TFEC: variants seen among roughly 807,000 people sequenced by gnomAD.
TFEC encodes class E basic helix-loop-helix protein 34.
In TFEC, 31 loss-of-function variants were observed where a neutral mutation model predicts 41.6. The ratio of observed to expected loss-of-function variants is 0.74; its 90% CI spans 0.56 to 1.01. The LOEUF is 1.01. Ranked by LOEUF, TFEC falls within the 50% of genes least tolerant of loss-of-function variation. The pLI is 0.00. For missense variants in TFEC, 402 were observed against 404.1 expected, an observed-to-expected ratio of 0.99 and a Z score of 0.04; for synonymous variants, 143 against 140.6, an observed-to-expected ratio of 1.02 and a Z score of -0.12.
At chr7:116,090,181 C>A (rs1369771188) in intron 3 of TFEC, among the ~76,000 whole-genome samples, 1 of 152,180 alleles carries the variant, frequency 6.6e-6, no homozygotes, top group African/African-American at 2.4e-5. Flanking sequence ...ATTTTTGCAA[C>A]CAATTAGACG....
At chr7:116,136,525 T>C (rs572130966) in intron 1 of TFEC, among the ~76,000 whole-genome samples, 45 of 152,044 alleles carry the variant, frequency 3.0e-4, no homozygotes, top group African/African-American at 8.2e-4. Context: ...ACTGAACACA[T>C]TGGATTTCCC....
At chr7:116,081,982 C>A (rs73719107) in intron 3 of TFEC, among the ~76,000 whole-genome samples, 2,418 of 151,888 alleles carry the variant, frequency 0.016, 68 homozygotes, top group African/African-American at 0.055. Context: ...TTAGTGGATC[C>A]TTTCTTCTGC....
chr7:116,080,696 T>C (rs1309429551), intron 3 of TFEC, among the ~76,000 whole-genome samples: 1 of 152,072 alleles, frequency 6.6e-6, no homozygotes, highest in Non-Finnish European at 1.5e-5. Context: ...AAATAATAGA[T>C]GTTGGCATGG....
intron 1 of TFEC, among the ~76,000 whole-genome samples, chr7:116,136,530 T>C (rs1798436072): frequency 6.6e-6 from 1 of 151,946 alleles, no homozygotes; most frequent in Admixed American, 6.6e-5. Flanking sequence ...ACACATTGGA[T>C]TTCCCTTAAA....
chr7:116,140,989 A>C (rs1266946182), intron 1 of TFEC, among the ~76,000 whole-genome samples: 1 of 152,250 alleles, frequency 6.6e-6, no homozygotes, highest in African/African-American at 2.4e-5. Context: ...TTTTGTATAA[A>C]GTATCAAGCC....
chr7:116,153,769 T>G (rs928142750), intron 1 of TFEC, among the ~76,000 whole-genome samples: 1 of 151,972 alleles, frequency 6.6e-6, no homozygotes, highest in Non-Finnish European at 1.5e-5. Context: ...AATTGGACAC[T>G]GCATAAAAAA....
chr7:115,980,033 C>A (rs1306375135), intron 2 of TFEC, among the ~76,000 whole-genome samples: 1 of 152,182 alleles, frequency 6.6e-6, no homozygotes, highest in Non-Finnish European at 1.5e-5. Flanking sequence ...CTTGTTCCCA[C>A]AGCAGATCCA....
chr7:116,000,383 C>A (rs932219848), intron 1 of TFEC, among the ~76,000 whole-genome samples: 2 of 152,062 alleles, frequency 1.3e-5, no homozygotes, highest in Non-Finnish European at 2.9e-5. Context: ...AAATCCTTTC[C>A]TCTAAGATCT....
intron 3 of TFEC, among the ~76,000 whole-genome samples, chr7:116,057,820 G>A (rs960947940): frequency 1.3e-5 from 2 of 151,744 alleles, no homozygotes; most frequent in African/African-American, 4.8e-5. Flanking sequence ...AATATAACTT[G>A]AAAAATTGTG....
intron 3 of TFEC, chr7:115,968,243 TTCA>T: frequency 1.3e-6 from 2 of 1,530,572 alleles, no homozygotes; most frequent in East Asian, 2.5e-5. Context: ...CTCTTTCTCC[TTCA>T]TCATTTTCTT....
At chr7:116,067,380 C>G (rs1354682835) in intron 3 of TFEC, among the ~76,000 whole-genome samples, 2 of 151,906 alleles carry the variant, frequency 1.3e-5, no homozygotes, top group Non-Finnish European at 2.9e-5. Flanking sequence ...ATGGCACCTC[C>G]AGTGAGATGT....
At chr7:116,150,361 T>C (rs1209214607) in intron 1 of TFEC, among the ~76,000 whole-genome samples, 2 of 151,990 alleles carry the variant, frequency 1.3e-5, no homozygotes, top group Non-Finnish European at 2.9e-5. Flanking sequence ...ATTTTTACAA[T>C]AGAAAAAAAT....
intron 3 of TFEC, among the ~76,000 whole-genome samples, chr7:116,088,610 A>G (rs1006464480): frequency 2.6e-5 from 4 of 152,056 alleles, no homozygotes; most frequent in African/African-American, 9.7e-5. Flanking sequence ...CTTAGTCATT[A>G]TTTTTTATGA....
intron 2 of TFEC, among the ~76,000 whole-genome samples, chr7:115,980,488 C>T (rs1390115443): frequency 1.3e-5 from 2 of 152,078 alleles, no homozygotes; most frequent in Admixed American, 6.6e-5. Context: ...GGTGGCTCAT[C>T]CCTGCAATCC....
chr7:116,073,188 T>C (rs1004196242), intron 3 of TFEC, among the ~76,000 whole-genome samples: 4 of 151,532 alleles, frequency 2.6e-5, no homozygotes, highest in Non-Finnish European at 5.9e-5. Context: ...TTTCCATAAG[T>C]AAGGAATGGG....
At chr7:116,131,679 G>C (rs187040263) in intron 1 of TFEC, among the ~76,000 whole-genome samples, 6 of 151,870 alleles carry the variant, frequency 4.0e-5, no homozygotes, top group Admixed American at 3.9e-4. Flanking sequence ...GCTAACATGA[G>C]TGTACTTGAA....
chr7:116,146,237 C>T (rs1387129443), intron 1 of TFEC, among the ~76,000 whole-genome samples: 1 of 152,174 alleles, frequency 6.6e-6, no homozygotes, highest in African/African-American at 2.4e-5. Context: ...TACTGCTTGC[C>T]AATCCCTGAC....
chr7:116,130,791 T>G (rs940503322), intron 1 of TFEC, among the ~76,000 whole-genome samples: 1 of 152,168 alleles, frequency 6.6e-6, no homozygotes, highest in Non-Finnish European at 1.5e-5. Flanking sequence ...TTTTCATTTT[T>G]TGTAGAGATA....
chr7:116,139,297 G>T (rs548719533), intron 1 of TFEC, among the ~76,000 whole-genome samples: 2 of 152,108 alleles, frequency 1.3e-5, no homozygotes, highest in African/African-American at 2.4e-5. Context: ...TAACACGGGC[G>T]TCCCAGGAAC....
Sources: allele counts gnomAD v4.1 joint callset (sites outside exome capture counted in the v4.1 genomes callset), GRCh38; gene constraint gnomAD v4.1.1; transcripts MANE v1.5; gene names NCBI Gene and HGNC (gene_info 2026-07-23, HGNC 2026-07-21).